The following RELN variants were observed in gnomAD, a reference collection of about 807,000 sequenced individuals.
The protein encoded by RELN is reelin.
In RELN, 108 loss-of-function variants were observed where a neutral mutation model predicts 427.6. That is an observed-to-expected ratio of 0.25 (90% CI 0.22 to 0.30). The LOEUF is 0.30. Among genes scored for constraint, RELN ranks in the 10% least tolerant of loss-of-function variants. The pLI, the probability that RELN is intolerant of heterozygous loss-of-function variation, is 1.00. For missense variants in RELN, 3,715 were observed against 4,302.8 expected (o/e 0.86, Z 3.82); for synonymous variants, 1,524 against 1,513.4 (o/e 1.01, Z -0.16).
At position 103,630,177 on chromosome 7, in the gene RELN, C is replaced by T; in HGVS notation, c.2466-1G>A. 6.3e-7 allele frequency: 1 copy of T among 1,584,476 alleles called. No homozygotes were observed. Among genetic ancestry groups the T allele is most frequent in the Non-Finnish European group, 8.6e-7 (1 of 1,156,374 alleles). ...ACCTGGTAGTTCTACGGAGATTATT[C>T]TAGAGAAAAAAAAAAAGTCAAAATT... On this transcript the variant is annotated splice_acceptor_variant, in intron 19 of 64. Coordinates refer to ENST00000428762, the MANE Select transcript of RELN (RefSeq NM_005045.4). LOFTEE classifies it high-confidence loss of function.
chr7:103,816,947 G>T (rs1429961173), intron 3 of RELN, among the ~76,000 whole-genome samples: 1 of 152,058 alleles, frequency 6.6e-6, no homozygotes, highest in Non-Finnish European at 1.5e-5. Flanking sequence ...CACCTCCCAG[G>T]TTCAAGCGAT....
At chr7:103,600,082 G>C (rs1213752289) in intron 24 of RELN, among the ~76,000 whole-genome samples, 1 of 152,066 alleles carries the variant, frequency 6.6e-6, no homozygotes, top group Non-Finnish European at 1.5e-5. Flanking sequence ...TATTATTTTA[G>C]AGACAGGCTC....
At chr7:103,800,899 C>A (rs1792446772) in intron 3 of RELN, among the ~76,000 whole-genome samples, 1 of 152,132 alleles carries the variant, frequency 6.6e-6, no homozygotes, top group African/African-American at 2.4e-5. Context: ...AAGCAAACAA[C>A]CTGATGAAAA....
Position 103,563,026 on chromosome 7 carries a change from T to A in RELN, c.5211-1073A>T, listed in dbSNP as rs1429108864. On this transcript the variant is annotated intron_variant, in intron 34 of 64. Coordinates refer to ENST00000428762, the MANE Select transcript of RELN (RefSeq NM_005045.4). This position sits in a 1 kb window ranked among gnomAD's most constrained non-coding sequence, Gnocchi z 4.1. ...TATGCCAGCACAAATGCCCTTTTGCTCCCCTCTTCTCCTGGATAAGCCCTA... is the reference window on the plus strand; with the variant it reads ...TATGCCAGCACAAATGCCCTTTTGCACCCCTCTTCTCCTGGATAAGCCCTA... Among the ~76,000 whole-genome samples, 2 of 152,242 alleles carry A rather than the reference T, an allele frequency of 1.3e-5. No homozygotes were observed. Among genetic ancestry groups the A allele is most frequent in the South Asian group, 4.1e-4 (2 of 4,826 alleles).
intron 3 of RELN, among the ~76,000 whole-genome samples, chr7:103,814,107 C>T (rs376777464): frequency 2.0e-5 from 3 of 152,248 alleles, no homozygotes; most frequent in South Asian, 4.1e-4. Context: ...AGCTGCAATC[C>T]TGCACTTATT....
intron 1 of RELN, among the ~76,000 whole-genome samples, chr7:103,952,531 A>G (rs2090298835): frequency 6.6e-6 from 1 of 150,466 alleles, no homozygotes; most frequent in Admixed American, 6.6e-5. Context: ...ACACACACAC[A>G]CATACATACA....
At chr7:103,473,960 T>G (rs1264719345) in intron 64 of RELN, among the ~76,000 whole-genome samples, 1 of 152,174 alleles carries the variant, frequency 6.6e-6, no homozygotes, top group Non-Finnish European at 1.5e-5. Context: ...GTGATGTGAT[T>G]CCAACATAAA....
chr7:103,965,944 T>C (rs1796652357), intron 1 of RELN, among the ~76,000 whole-genome samples: 1 of 152,214 alleles, frequency 6.6e-6, no homozygotes, highest in African/African-American at 2.4e-5. Flanking sequence ...GTTTACCACG[T>C]CAAAATCTCA....
Position 103,742,657 on chromosome 7 carries a change from A to G in RELN, c.656+6769T>C, listed in dbSNP as rs1040273892. Among the ~76,000 whole-genome samples the G allele has an allele frequency of 7.2e-5, 11 of 152,368 alleles. No individual in the cohort carries two copies. The East Asian group carries it at 1.9e-3, about 27-fold the overall frequency. On this transcript the variant is annotated intron_variant, in intron 6 of 64. Coordinates refer to ENST00000428762, the MANE Select transcript of RELN (RefSeq NM_005045.4). ...TAGCCAATGCGATCAACTGGAAGAA[A>G]GGGTATCAGTGATGGAAGATGAAAT...
intron 3 of RELN, among the ~76,000 whole-genome samples, chr7:103,782,436 C>G (rs1188620764): frequency 2.6e-5 from 4 of 152,114 alleles, no homozygotes; most frequent in Non-Finnish European, 5.9e-5. Flanking sequence ...GACTCCCTAT[C>G]TGAGGATAGG....
At chr7:103,863,857 A>G (rs1483370472) in intron 2 of RELN, among the ~76,000 whole-genome samples, 7 of 151,874 alleles carry the variant, frequency 4.6e-5, no homozygotes, top group Non-Finnish European at 1.0e-4. Flanking sequence ...TAAGTTTTGC[A>G]GCACTGGAAG....
chr7:103,830,528 T>G (rs1477273917), intron 3 of RELN, among the ~76,000 whole-genome samples: 1 of 152,014 alleles, frequency 6.6e-6, no homozygotes, highest in Non-Finnish European at 1.5e-5. Flanking sequence ...GCTGTGTTTT[T>G]TTTTAGTTTA....
chr7:103,517,958 T>C (rs571514554), intron 49 of RELN, among the ~76,000 whole-genome samples: 1 of 152,336 alleles, frequency 6.6e-6, no homozygotes, highest in East Asian at 1.9e-4. Context: ...GGAAATGTCC[T>C]TGAAGAGAGA....
At chr7:103,950,756 G>T (rs1796314972) in intron 1 of RELN, among the ~76,000 whole-genome samples, 2 of 152,252 alleles carry the variant, frequency 1.3e-5, no homozygotes, top group East Asian at 1.9e-4. Context: ...CAGTTGTGAT[G>T]AAGACATTTC....
intron 3 of RELN, among the ~76,000 whole-genome samples, chr7:103,797,281 T>G (rs1312565183): frequency 6.6e-6 from 1 of 152,082 alleles, no homozygotes; most frequent in Non-Finnish European, 1.5e-5. Context: ...TTTTGTATTA[T>G]TTTTAGTAGA....
chr7:103,489,977 A>G (rs1828593530), intron 59 of RELN, 78 bp from the exon 60 acceptor site: 4 of 1,549,170 alleles, frequency 2.6e-6, no homozygotes, highest in Admixed American at 3.4e-5. Flanking sequence ...AGCCTCTGGG[A>G]GAGGGGACTA....
chr7:103,909,673 TAAATATATTTAATA>T (rs1795298638), intron 2 of RELN, among the ~76,000 whole-genome samples: 1 of 78,582 alleles, frequency 1.3e-5, no homozygotes, highest in South Asian at 3.7e-4. Flanking sequence ...AAATATATAT[TAAATATATTTAATA>T]AATATATATA....
rs565376403 is a variant in RELN at position 103,593,526 on chromosome 7, A to AAAGCTTCGCAATTCTAACACTGTT, written c.3912+132_3912+155dup. Among the ~76,000 whole-genome samples the AAAGCTTCGCAATTCTAACACTGTT allele has an allele frequency of 1.7e-3, 258 of 152,324 alleles. 3 individuals are homozygous for AAAGCTTCGCAATTCTAACACTGTT. Among genetic ancestry groups the AAAGCTTCGCAATTCTAACACTGTT allele is most frequent in the African/African-American group, 6.0e-3 (250 of 41,576 alleles). ...AATAACTGCTTTCGAGTAGAGCTGAAAAGCTTCGCAATTCTAACACTGTTA... is the reference window on the plus strand; with the variant it reads ...AATAACTGCTTTCGAGTAGAGCTGAAAAGCTTCGCAATTCTAACACTGTTAAGCTTCGCAATTCTAACACTGTTA... On this transcript the variant is annotated intron_variant, in intron 27 of 64. Transcript: ENST00000428762.
intron 2 of RELN, among the ~76,000 whole-genome samples, chr7:103,856,253 A>G (rs890048120): frequency 6.6e-6 from 1 of 152,110 alleles, no homozygotes; most frequent in Non-Finnish European, 1.5e-5. Flanking sequence ...GGAAGAATAG[A>G]CAGCAGCAGT....
Sources: allele counts gnomAD v4.1 joint callset (sites outside exome capture counted in the v4.1 genomes callset), GRCh38; gene constraint gnomAD v4.1.1; non-coding constraint Gnocchi (gnomAD v3.1); transcripts MANE v1.5; gene names NCBI Gene and HGNC (gene_info 2026-07-23, HGNC 2026-07-21).